PHF21A: variants seen among roughly 807,000 people sequenced by gnomAD.
PHF21A encodes PHD finger protein 21A.
Under a neutral mutation model 82.5 loss-of-function variants are expected in PHF21A, and 11 were observed. The observed-to-expected ratio is 0.13, with a 90% confidence interval of 0.08 to 0.22. The LOEUF (loss-of-function observed/expected upper bound fraction) is 0.22. Among genes scored for constraint, PHF21A ranks in the 10% least tolerant of loss-of-function variants. PHF21A has a pLI of 1.00. For missense variants in PHF21A, 579 were observed against 837.8 expected (o/e 0.69, Z 3.81); for synonymous variants, 297 against 302.8 (o/e 0.98, Z 0.20).
intron 6 of PHF21A, among the ~76,000 whole-genome samples, chr11:46,023,558 C>T (rs2095673263): frequency 6.6e-6 from 1 of 152,012 alleles, no homozygotes; most frequent in Admixed American, 6.6e-5. Context: ...AAGGTGTGTT[C>T]CTGAAAAAGA....
chr11:45,967,843 C>A (rs934665652), intron 9 of PHF21A, among the ~76,000 whole-genome samples: 1 of 152,136 alleles, frequency 6.6e-6, no homozygotes, highest in Non-Finnish European at 1.5e-5. Context: ...TCAGCATGTG[C>A]CTATAGACAT....
At chr11:46,114,584 G>C (rs2136102939) in intron 1 of PHF21A, among the ~76,000 whole-genome samples, 1 of 152,182 alleles carries the variant, frequency 6.6e-6, no homozygotes, top group Admixed American at 6.5e-5. Context: ...TGTCCATAAG[G>C]CCAGAGATAG....
intron 6 of PHF21A, among the ~76,000 whole-genome samples, chr11:46,031,059 C>T (rs1484947000): frequency 1.3e-5 from 2 of 152,104 alleles, no homozygotes; most frequent in Non-Finnish European, 2.9e-5. Context: ...AATTCATGTA[C>T]GACAAGCGAT....
At chr11:46,067,744 C>T (rs1169662332) in intron 6 of PHF21A, among the ~76,000 whole-genome samples, 1 of 152,172 alleles carries the variant, frequency 6.6e-6, no homozygotes, top group Admixed American at 6.6e-5. Flanking sequence ...TGCTCATCTA[C>T]CATTCTAGAC....
chr11:45,957,860 A>G (rs750223230), intron 10 of PHF21A, among the ~76,000 whole-genome samples: 18 of 152,066 alleles, frequency 1.2e-4, no homozygotes, highest in Non-Finnish European at 2.5e-4. Context: ...TTCGAAAAGA[A>G]TAACAAAATC....
intron 7 of PHF21A, among the ~76,000 whole-genome samples, chr11:45,979,450 C>T (rs891233966): frequency 3.9e-5 from 6 of 152,106 alleles, no homozygotes; most frequent in Non-Finnish European, 7.4e-5. Flanking sequence ...AAATAAATAC[C>T]TCCAAAAATT....
intron 7 of PHF21A, among the ~76,000 whole-genome samples, chr11:45,972,085 A>T (rs1340219504): frequency 6.6e-6 from 1 of 151,526 alleles, no homozygotes; most frequent in African/African-American, 2.4e-5. Context: ...TACTACCTAT[A>T]ATCTTTTCTC....
chr11:45,993,181 C>T (rs2094777094), intron 6 of PHF21A, among the ~76,000 whole-genome samples: 1 of 152,148 alleles, frequency 6.6e-6, no homozygotes, highest in Non-Finnish European at 1.5e-5. Context: ...AAACATACGA[C>T]TATTTAATAA....
intron 6 of PHF21A, among the ~76,000 whole-genome samples, chr11:45,992,039 A>C (rs1186697570): frequency 6.6e-6 from 1 of 152,190 alleles, no homozygotes; most frequent in Non-Finnish European, 1.5e-5. Flanking sequence ...GGTGTAAGAT[A>C]CTAGGCATGA....
At chr11:46,072,979 T>G (rs2096671814) in intron 6 of PHF21A, among the ~76,000 whole-genome samples, 1 of 152,116 alleles carries the variant, frequency 6.6e-6, no homozygotes, top group South Asian at 2.1e-4. Flanking sequence ...CATATGCCTA[T>G]CAAAAAATCA....
At chr11:46,065,096 T>C (rs1202640965) in intron 6 of PHF21A, among the ~76,000 whole-genome samples, 1 of 152,208 alleles carries the variant, frequency 6.6e-6, no homozygotes, top group Non-Finnish European at 1.5e-5. Flanking sequence ...TTCTTGAATA[T>C]CCATTCTTCT....
intron 17 of PHF21A, 55 bp downstream of exon 17, chr11:45,936,439 A>AT (rs948314429): frequency 4.0e-5 from 42 of 1,042,326 alleles, no homozygotes; most frequent in Admixed American, 1.5e-4. Flanking sequence ...TACTGCCAGT[A>AT]TTTTTTTCAA....
At chr11:46,101,455 ATTGT>A (rs1177944745) in intron 1 of PHF21A, among the ~76,000 whole-genome samples, 1 of 152,158 alleles carries the variant, frequency 6.6e-6, no homozygotes, top group African/African-American at 2.4e-5. Context: ...AATGCTGGTA[ATTGT>A]TAGTTAGGGA....
chr11:45,947,180 C>T (rs956972807), intron 14 of PHF21A, among the ~76,000 whole-genome samples: 3 of 152,162 alleles, frequency 2.0e-5, no homozygotes, highest in Admixed American at 1.3e-4. Context: ...CTTGAATGAG[C>T]CCTGTGGGTA....
intron 7 of PHF21A, among the ~76,000 whole-genome samples, chr11:45,978,186 G>A (rs989974420): frequency 3.3e-5 from 5 of 152,166 alleles, no homozygotes; most frequent in African/African-American, 1.2e-4. Flanking sequence ...TGTAGTCCCA[G>A]CTACTCAGGA....
intron 15 of PHF21A, among the ~76,000 whole-genome samples, chr11:45,942,510 G>C (rs1200614407): frequency 1.3e-5 from 2 of 152,222 alleles, no homozygotes; most frequent in African/African-American, 4.8e-5. Context: ...TAGCAAACAA[G>C]ATTTCTGAGA....
At chr11:45,973,487 TC>T (rs1240399814) in intron 7 of PHF21A, among the ~76,000 whole-genome samples, 1 of 152,248 alleles carries the variant, frequency 6.6e-6, no homozygotes, top group Non-Finnish European at 1.5e-5. Flanking sequence ...TGTTTCCTCT[TC>T]GCTAAGTGGC....
chr11:45,950,715 C>T (rs922302231), intron 11 of PHF21A, among the ~76,000 whole-genome samples: 1 of 152,120 alleles, frequency 6.6e-6, no homozygotes, highest in African/African-American at 2.4e-5. Context: ...AAATCAGTAT[C>T]TTGTGTGATC....
chr11:45,991,063 A>G lies in PHF21A; in HGVS notation c.154-11097T>C, dbSNP rs185499253. ...GCACAACCTTCCCTCACCCTCTGGCAACCACTCCTCTTTTTACTGCCTCCA... is the reference window on the plus strand; with the variant it reads ...GCACAACCTTCCCTCACCCTCTGGCGACCACTCCTCTTTTTACTGCCTCCA... On this transcript the variant is annotated intron_variant, in intron 6 of 18. Transcript: ENST00000676320. 5.9e-5 allele frequency among the ~76,000 whole-genome samples: 9 copies of G among 152,286 alleles called. 1 individual carries two copies. The highest frequency in any genetic ancestry group is 2.0e-4 in the Admixed American group (3 of 15,290).
Sources: allele counts gnomAD v4.1 joint callset (sites outside exome capture counted in the v4.1 genomes callset), GRCh38; gene constraint gnomAD v4.1.1; transcripts MANE v1.5; gene names NCBI Gene and HGNC (gene_info 2026-07-23, HGNC 2026-07-21).